ZDHHC14: variants seen among roughly 807,000 people sequenced by gnomAD.
ZDHHC14 encodes the protein palmitoyltransferase ZDHHC14.
A neutral mutation model predicts 47.7 loss-of-function variants in ZDHHC14; 16 were observed. That is an observed-to-expected ratio of 0.34 (90% CI 0.23 to 0.51). ZDHHC14 has a LOEUF of 0.51. ZDHHC14 is among the 20% of genes least tolerant of loss of function. The pLI, the probability that ZDHHC14 is intolerant of heterozygous loss-of-function variation, is 0.97. For missense variants in ZDHHC14, 515 were observed against 662.5 expected (o/e 0.78, Z 2.44); for synonymous variants, 293 against 278.9 (o/e 1.05, Z -0.50).
chr6:157,429,551 G>A (rs1778294262), intron 1 of ZDHHC14, among the ~76,000 whole-genome samples: 1 of 132,068 alleles, frequency 7.6e-6, no homozygotes, highest in Admixed American at 8.1e-5. Context: ...CTCACTAGCT[G>A]TTTGTAGAAG....
chr6:157,407,369 C>A (rs1365715713), intron 1 of ZDHHC14, among the ~76,000 whole-genome samples: 3 of 152,128 alleles, frequency 2.0e-5, no homozygotes, highest in East Asian at 1.9e-4. Flanking sequence ...GGGTAGGGAA[C>A]CCTCTGCCTC....
chr6:157,667,918 A>G (rs1281531435), intron 8 of ZDHHC14, among the ~76,000 whole-genome samples: 2 of 152,236 alleles, frequency 1.3e-5, no homozygotes, highest in Non-Finnish European at 1.5e-5. Flanking sequence ...GAGTCATTGC[A>G]CTACCCTTGG....
chr6:157,573,988 T>A (rs1783202653), intron 2 of ZDHHC14, among the ~76,000 whole-genome samples: 2 of 151,898 alleles, frequency 1.3e-5, no homozygotes, highest in Non-Finnish European at 2.9e-5. Flanking sequence ...GCTCTTAGGT[T>A]CCTAGGGCCT....
intron 1 of ZDHHC14, among the ~76,000 whole-genome samples, chr6:157,469,150 A>G (rs1779295430): frequency 6.6e-6 from 1 of 152,194 alleles, no homozygotes; most frequent in Admixed American, 6.5e-5. Context: ...CCAGCATGGT[A>G]CTCTGAACTC....
At chr6:157,490,085 C>A (rs1440489129) in intron 1 of ZDHHC14, among the ~76,000 whole-genome samples, 2 of 152,042 alleles carry the variant, frequency 1.3e-5, no homozygotes, top group African/African-American at 2.4e-5. Context: ...AAGGGTGACC[C>A]CCCTCAGTTT....
intron 7 of ZDHHC14, among the ~76,000 whole-genome samples, chr6:157,647,918 A>G (rs926948868): frequency 1.3e-5 from 2 of 152,218 alleles, no homozygotes; most frequent in Non-Finnish European, 2.9e-5. Flanking sequence ...CTTTATCTGC[A>G]TTAGCCTTTC....
At position 157,523,145 on chromosome 6, in the gene ZDHHC14, A is replaced by C. The variant is rs528792752; in HGVS notation, c.246-19440A>C. On this transcript the variant is annotated intron_variant, in intron 1 of 8. Coordinates refer to ENST00000359775, the MANE Select transcript of ZDHHC14 (RefSeq NM_024630.3). The stretch of plus-strand genomic sequence containing the variant: ...CTCTCTCTATAGCCCTAGGGGCATT[A>C]GTCAATGTGAATCTACAAATGCTAT... Among the ~76,000 whole-genome samples, 10 of 151,660 alleles carry C rather than the reference A, an allele frequency of 6.6e-5. No individual in the cohort carries two copies. In the South Asian group the frequency reaches 2.1e-3, roughly 32 times the overall value.
chr6:157,467,706 C>T (rs898345593), intron 1 of ZDHHC14, among the ~76,000 whole-genome samples: 5 of 151,986 alleles, frequency 3.3e-5, no homozygotes, highest in South Asian at 2.1e-4. Flanking sequence ...CCTGCCAACA[C>T]GTCTGGCTAA....
rs112062493 is a variant in ZDHHC14, at chr6:157,488,195, C to T, written c.246-54390C>T. ...TTGCCTGGCATTTGGCACCAACTTG[C>T]TTCTTAATTGTAGTGGGAGGCGGGT... On this transcript the variant is annotated intron_variant, in intron 1 of 8. Transcript: ENST00000359775. Among the ~76,000 whole-genome samples the T allele has an allele frequency of 5.9e-5, 9 of 152,286 alleles. 1 individual carries two copies. Among genetic ancestry groups the T allele is most frequent in the African/African-American group, 2.2e-4 (9 of 41,570 alleles).
intron 1 of ZDHHC14, among the ~76,000 whole-genome samples, chr6:157,409,648 T>G (rs888989297): frequency 6.6e-6 from 1 of 152,104 alleles, no homozygotes; most frequent in African/African-American, 2.4e-5. Flanking sequence ...GGAGGTTACA[T>G]TGACTGGATG....
intron 2 of ZDHHC14, among the ~76,000 whole-genome samples, chr6:157,576,316 T>C (rs561994811): frequency 1.3e-5 from 2 of 152,346 alleles, no homozygotes; most frequent in Admixed American, 1.3e-4. Context: ...AATTCTCCAG[T>C]GGAAACCGAA....
chr6:157,520,706 G>A (rs985108368), intron 1 of ZDHHC14, among the ~76,000 whole-genome samples: 1 of 152,158 alleles, frequency 6.6e-6, no homozygotes, highest in Non-Finnish European at 1.5e-5. Flanking sequence ...AGTTAAAATA[G>A]CAGTAAGTAT....
At chr6:157,511,263 A>G (rs958165374) in intron 1 of ZDHHC14, among the ~76,000 whole-genome samples, 5 of 152,154 alleles carry the variant, frequency 3.3e-5, no homozygotes, top group African/African-American at 1.2e-4. Flanking sequence ...AATCGCCCGC[A>G]CCTGGAATTT....
intron 1 of ZDHHC14, among the ~76,000 whole-genome samples, chr6:157,541,033 G>A (rs893360434): frequency 1.3e-5 from 2 of 151,554 alleles, no homozygotes; most frequent in Non-Finnish European, 2.9e-5. Context: ...GAAGTTACAA[G>A]AATAAGAGTA....
intron 1 of ZDHHC14, among the ~76,000 whole-genome samples, chr6:157,432,543 G>T (rs9355674): frequency 0.48 from 72,736 of 151,942 alleles, 17,525 homozygotes; most frequent in East Asian, 0.61. Flanking sequence ...ACTGTCTTCC[G>T]GAGCAATTTA....
intron 2 of ZDHHC14, among the ~76,000 whole-genome samples, chr6:157,585,717 C>T (rs1026113009): frequency 3.3e-5 from 5 of 152,198 alleles, no homozygotes; most frequent in African/African-American, 7.2e-5. Context: ...GAAAGAACAG[C>T]GGGGCTCCCT....
chr6:157,643,130 T>A (rs1245874846), intron 5 of ZDHHC14, among the ~76,000 whole-genome samples: 5 of 152,216 alleles, frequency 3.3e-5, no homozygotes, highest in Admixed American at 3.3e-4. Context: ...CTCTGAGGTT[T>A]AAGCAGAACA....
At chr6:157,630,729 C>A (rs561003446) in intron 4 of ZDHHC14, 9,232 of 146,952 alleles carry the variant, frequency 0.063, 579 homozygotes, top group African/African-American at 0.16. Flanking sequence ...ACCCACACAC[C>A]GCCTTACACA....
chr6:157,649,389 A>G (rs1212088006), intron 7 of ZDHHC14, among the ~76,000 whole-genome samples: 1 of 152,222 alleles, frequency 6.6e-6, no homozygotes, highest in Non-Finnish European at 1.5e-5. Context: ...GGGCAGGGAC[A>G]TAGGCCACTC....
Sources: allele counts gnomAD v4.1 joint callset (sites outside exome capture counted in the v4.1 genomes callset), GRCh38; gene constraint gnomAD v4.1.1; transcripts MANE v1.5; gene names NCBI Gene and HGNC (gene_info 2026-07-23, HGNC 2026-07-21).